The following HEATR4 variants were observed in gnomAD, a reference collection of about 807,000 sequenced individuals.
HEATR4 encodes the protein HEAT repeat containing 4, also known as HEAT repeat-containing protein 4.
Under a neutral mutation model 108.8 loss-of-function variants are expected in HEATR4, and 95 were observed. That is an observed-to-expected ratio of 0.87 (90% CI 0.74 to 1.04). The LOEUF is 1.04. Ranked by LOEUF, HEATR4 falls within the 50% of genes least tolerant of loss-of-function variation. HEATR4 has a pLI of 0.00. For synonymous variants in HEATR4, 443 were observed against 459.4 expected, an observed-to-expected ratio of 0.96 and a Z score of 0.46; for missense variants, 1,152 against 1,253.8, an observed-to-expected ratio of 0.92 and a Z score of 1.23.
At chr14:73,539,131 T>C (rs1277673651) in intron 1 of HEATR4, 1 of 114,080 alleles carries the variant, frequency 8.8e-6, no homozygotes, top group African/African-American at 2.9e-5. Flanking sequence ...AGGTGCCAGG[T>C]GGCTGGGCCT....
the HEATR4 span, chr14:73,613,000 G>C: frequency 1.0e-6 from 1 of 984,466 alleles, no homozygotes; most frequent in Non-Finnish European, 1.4e-6. Flanking sequence ...GCGCGGGCCC[G>C]GTGCGCGCCG....
At position 73,498,338 on chromosome 14, in the gene HEATR4, C is replaced by T. The variant is rs1886225797; in HGVS notation, c.2363G>A (p.Gly788Glu). 6.3e-7 allele frequency: 1 copy of T among 1,597,190 alleles called. No homozygotes were observed. Among genetic ancestry groups the T allele is most frequent in the Admixed American group, 1.7e-5 (1 of 58,510 alleles). ...CTCGGGACTTACTTGCCCAATCTGT[C>T]CCAAAGCTGCAGAGATTAGAGGGCA... is the stretch of plus-strand genomic sequence containing the variant. ...KIKAFAIRAL[G>E]QIGQVSPELT... Residue 788 changes from glycine to glutamate, a missense_variant, in exon 14 of 18, where the codon GGA becomes GAA. Coordinates refer to ENST00000553558, the MANE Select transcript of HEATR4 (RefSeq NM_001220484.1).
At chr14:73,594,313 G>A in the HEATR4 span, among the ~76,000 whole-genome samples, 1 of 152,082 alleles carries the variant, frequency 6.6e-6, no homozygotes, top group Non-Finnish European at 1.5e-5. Flanking sequence ...AATACATATG[G>A]CAAATGATCT....
At chr14:73,496,129 C>T (rs894346162) in intron 15 of HEATR4, among the ~76,000 whole-genome samples, 2 of 151,786 alleles carry the variant, frequency 1.3e-5, no homozygotes, top group African/African-American at 4.8e-5. Flanking sequence ...GACTGTCCCC[C>T]CCTCAAAAAA....
intron 12 of HEATR4, 23 bp from the exon 13 acceptor site, chr14:73,499,163 G>T (rs1267866874): frequency 4.4e-6 from 7 of 1,601,864 alleles, no homozygotes; most frequent in Non-Finnish European, 6.0e-6. Context: ...AGGCAGTGTT[G>T]AGTGGGGAGG....
At chr14:73,589,356 G>A in the HEATR4 span, among the ~76,000 whole-genome samples, 2 of 150,782 alleles carry the variant, frequency 1.3e-5, no homozygotes, top group South Asian at 4.2e-4. Flanking sequence ...GTTTCGCTCT[G>A]TCACCGATGC....
chr14:73,483,446 C>T (rs954601465), intron 17 of HEATR4, among the ~76,000 whole-genome samples: 1 of 152,166 alleles, frequency 6.6e-6, no homozygotes, highest in African/African-American at 2.4e-5. Flanking sequence ...TAAACTTGAA[C>T]TCCTGGGCTC....
intron 7 of HEATR4, among the ~76,000 whole-genome samples, chr14:73,509,681 A>G (rs975465985): frequency 6.6e-6 from 1 of 150,866 alleles, no homozygotes; most frequent in Non-Finnish European, 1.5e-5. Flanking sequence ...TGGTATGCCA[A>G]TTCCCAATCC....
chr14:73,562,339 T>C (rs1437032170), upstream of HEATR4, among the ~76,000 whole-genome samples: 1 of 152,154 alleles, frequency 6.6e-6, no homozygotes, highest in East Asian at 1.9e-4. Context: ...ATCTTAATCC[T>C]GTTATGTTCG....
In HEATR4 at chr14:73,499,077, T is replaced by C. The variant is rs900211144; in HGVS notation, c.2350A>G (p.Ile784Val). The C allele has an allele frequency of 6.2e-7, 1 of 1,614,020 alleles. No individual in the cohort carries two copies. The highest frequency in any genetic ancestry group is 8.5e-7 in the Non-Finnish European group (1 of 1,179,860). The change falls in exon 13 of 18, where the codon ATT becomes GTT. Residue 784 changes from isoleucine to valine, a missense_variant. Physicochemically the swap from Ile to Val is conservative, Grantham distance 29 (BLOSUM62 3). Coordinates refer to ENST00000553558, the MANE Select transcript of HEATR4 (RefSeq NM_001220484.1). Reference protein sequence around the residue: ...DPYWKIKAFAIRALGQIGQVS... With the variant: ...DPYWKIKAFAVRALGQIGQVS... ...GGCACTACTTCTATAATACCTCGAA[T>C]GGCAAAGGCCTTGATTTTCCAGTAA...
the HEATR4 span, chr14:73,582,982 T>A: frequency 6.6e-6 from 1 of 150,952 alleles, no homozygotes; most frequent in Non-Finnish European, 1.5e-5. Flanking sequence ...CGAGCTGTCA[T>A]ATCAGCCACC....
the HEATR4 span, chr14:73,619,719 A>G: frequency 6.2e-7 from 1 of 1,614,174 alleles, no homozygotes; most frequent in Non-Finnish European, 8.5e-7. Context: ...GTGAGGCAAT[A>G]TTCTATGGAG....
chr14:73,523,203 G>A lies in HEATR4; in HGVS notation c.-51C>T. 6.7e-7 allele frequency: 1 copy of A among 1,493,458 alleles called. No individual in the cohort carries two copies. Among genetic ancestry groups the A allele is most frequent in the Non-Finnish European group, 8.9e-7 (1 of 1,123,962 alleles). The allele number at this position is 1,493,458 out of a possible 1,614,324, so 92.5% of individuals were successfully genotyped here. ...CCACACTGCCTGGCCTAGAGGAAAG[G>A]CCTGGAGATGAGACCTGGCACCTGT... On this transcript the variant is annotated 5_prime_UTR_variant, in exon 3 of 18. Transcript: ENST00000553558.
chr14:73,573,265 C>T, the HEATR4 span: 93 of 1,399,954 alleles, frequency 6.6e-5, 1 homozygote, highest in Non-Finnish European at 8.9e-5. Flanking sequence ...TTTCATTTCT[C>T]GTGGGTAGAT....
intron 14 of HEATR4, among the ~76,000 whole-genome samples, chr14:73,497,202 G>A (rs1367657038): frequency 3.3e-5 from 5 of 151,620 alleles, no homozygotes; most frequent in East Asian, 3.9e-4. Context: ...GGCCATGCCC[G>A]TCTAATTTTT....
At chr14:73,569,830 GGCGCGAGCCGGTGC>G in the HEATR4 span, 1 of 1,598,578 alleles carries the variant, frequency 6.3e-7, no homozygotes, top group East Asian at 2.3e-5. Flanking sequence ...CCCGGGGTGC[GGCGCGAGCCGGTGC>G]GCGTGGGCCG....
Position 73,532,933 on chromosome 14 carries a change from T to C in HEATR4, c.-151-2689A>G, listed in dbSNP as rs1344649704. Among the ~76,000 whole-genome samples the C allele has an allele frequency of 6.4e-5, 7 of 109,906 alleles. 3 individuals carry two copies. Among genetic ancestry groups the C allele is most frequent in the Admixed American group, 2.1e-4 (2 of 9,528 alleles). 72.1% of individuals were successfully genotyped at this position (109,906 alleles called of 152,430 possible). A position where few individuals can be genotyped will look rare whatever the true frequency, so the allele number is the denominator to read the frequency against. On this transcript the variant is annotated intron_variant, in intron 1 of 17. Transcript: ENST00000553558. ...TTGGGCCACTGCACTCCAGCCTGGG[T>C]GACAGAGCAAGACTCCATCTCAAAA...
rs886102506 is a variant in HEATR4, at chr14:73,549,504, C to G, written c.-152+9247G>C. Among the ~76,000 whole-genome samples, 5 of 122,782 alleles carry G rather than the reference C, an allele frequency of 4.1e-5. 2 individuals are homozygous for G. Among genetic ancestry groups the G allele is most frequent in the African/African-American group, 1.4e-4 (5 of 36,474 alleles). The allele number at this position is 122,782 out of a possible 152,430, so 80.5% of individuals were successfully genotyped here. On this transcript the variant is annotated intron_variant, in intron 1 of 17. Coordinates refer to ENST00000553558, the MANE Select transcript of HEATR4 (RefSeq NM_001220484.1). ...CAGAAAAAGAAATTGAGGCAAGGGG[C>G]AAAGCCATTTGCCAAGGTCATAGAT...
At chr14:73,606,888 A>G in the HEATR4 span, among the ~76,000 whole-genome samples, 1 of 152,276 alleles carries the variant, frequency 6.6e-6, no homozygotes, top group South Asian at 2.1e-4. Context: ...TGAGCTTGCA[A>G]AGGCTTTTAA....
Sources: allele counts gnomAD v4.1 joint callset (sites outside exome capture counted in the v4.1 genomes callset), GRCh38; gene constraint gnomAD v4.1.1; transcripts MANE v1.5; gene names NCBI Gene and HGNC (gene_info 2026-07-23, HGNC 2026-07-21).